Variants in COL8A1 observed in about 807,000 individuals in gnomAD.
COL8A1 encodes collagen alpha-1(VIII) chain.
Under a neutral mutation model 42.7 loss-of-function variants are expected in COL8A1, and 21 were observed. The observed-to-expected ratio is 0.49, with a 90% CI of 0.35 to 0.71. The LOEUF is 0.71. Among genes scored for constraint, COL8A1 ranks in the 30% least tolerant of loss-of-function variants. The pLI, the probability that COL8A1 is intolerant of heterozygous loss-of-function variation, is 0.01. For missense variants in COL8A1, 788 were observed against 962.4 expected (o/e 0.82, Z 2.40); for synonymous variants, 367 against 369.1 (o/e 0.99, Z 0.06).
At chr3:99,708,028 T>C (rs936511729) in intron 1 of COL8A1, among the ~76,000 whole-genome samples, 1 of 152,182 alleles carries the variant, frequency 6.6e-6, no homozygotes, top group East Asian at 1.9e-4. Context: ...GCTCCCCTCT[T>C]AGCTGTGAAC....
intron 1 of COL8A1, among the ~76,000 whole-genome samples, chr3:99,647,203 C>T (rs548063459): frequency 6.6e-6 from 1 of 152,168 alleles, no homozygotes; most frequent in Non-Finnish European, 1.5e-5. Flanking sequence ...TCTACCCTGC[C>T]TGAGCGCATC....
At chr3:99,770,390 T>C (rs1463543948) in intron 2 of COL8A1, among the ~76,000 whole-genome samples, 1 of 152,184 alleles carries the variant, frequency 6.6e-6, no homozygotes, top group East Asian at 1.9e-4. Flanking sequence ...GGGTAGTGTG[T>C]CCTTCACGAT....
In COL8A1 at chr3:99,676,800, T is replaced by G. The variant is rs571222189; in HGVS notation, c.-129+38136T>G. Among the ~76,000 whole-genome samples, 97 of 152,238 alleles carry G rather than the reference T, an allele frequency of 6.4e-4. 1 individual carries two copies. Among genetic ancestry groups the G allele is most frequent in the African/African-American group, 1.9e-3 (77 of 41,572 alleles). The stretch of plus-strand genomic sequence containing the variant: ...ATTATTTATTGTTAGAATTAATAAC[T>G]GCATTTATCTAGCCCATTGGATATA... On this transcript the variant is annotated intron_variant, in intron 1 of 3. Coordinates refer to ENST00000652472, the MANE Select transcript of COL8A1 (RefSeq NM_020351.4).
intron 2 of COL8A1, among the ~76,000 whole-genome samples, chr3:99,748,164 G>C (rs1348128918): frequency 6.6e-6 from 1 of 152,188 alleles, no homozygotes; most frequent in Non-Finnish European, 1.5e-5. Context: ...TTCAAGTCAG[G>C]AACAGTCATA....
chr3:99,740,217 T>G (rs1472777925), intron 1 of COL8A1, among the ~76,000 whole-genome samples: 3 of 152,186 alleles, frequency 2.0e-5, no homozygotes, highest in Non-Finnish European at 4.4e-5. Context: ...CTTTCCCACA[T>G]TTTCCTGTCT....
At chr3:99,732,442 A>G (rs775106240) in intron 1 of COL8A1, among the ~76,000 whole-genome samples, 6 of 152,248 alleles carry the variant, frequency 3.9e-5, no homozygotes, top group South Asian at 4.1e-4. Flanking sequence ...AAGCAAACAC[A>G]TCCTTCTTCA....
At chr3:99,683,731 A>C (rs947485281) in intron 1 of COL8A1, among the ~76,000 whole-genome samples, 10 of 152,096 alleles carry the variant, frequency 6.6e-5, no homozygotes, top group African/African-American at 2.4e-4. Flanking sequence ...TCTCAATCAA[A>C]TGATTCTTTC....
intron 1 of COL8A1, among the ~76,000 whole-genome samples, chr3:99,666,251 A>T (rs895085559): frequency 6.6e-6 from 1 of 152,236 alleles, no homozygotes; most frequent in Non-Finnish European, 1.5e-5. Flanking sequence ...TTTAAAAATT[A>T]AATCCATACT....
At chr3:99,728,928 T>G (rs62283470) in intron 1 of COL8A1, among the ~76,000 whole-genome samples, 11,746 of 152,034 alleles carry the variant, frequency 0.077, 569 homozygotes, top group Middle Eastern at 0.11. Context: ...GCCTGTCTTT[T>G]CCTGACCTCT....
chr3:99,710,939 T>C (rs1438599800), intron 1 of COL8A1, among the ~76,000 whole-genome samples: 1 of 152,176 alleles, frequency 6.6e-6, no homozygotes, highest in Non-Finnish European at 1.5e-5. Flanking sequence ...ATTTTCTTGA[T>C]GGAAGTTCTG....
intron 1 of COL8A1, among the ~76,000 whole-genome samples, chr3:99,705,093 C>T (rs978833838): frequency 1.3e-5 from 2 of 152,194 alleles, no homozygotes; most frequent in African/African-American, 4.8e-5. Context: ...ACTTTCTCTA[C>T]ACCTTTTTTT....
At chr3:99,671,011 T>A (rs1938526575) in intron 1 of COL8A1, among the ~76,000 whole-genome samples, 1 of 151,676 alleles carries the variant, frequency 6.6e-6, no homozygotes, top group African/African-American at 2.4e-5. Context: ...TAGAGATGTG[T>A]GTGTTGGGGG....
chr3:99,664,729 G>A (rs1938311722), intron 1 of COL8A1, among the ~76,000 whole-genome samples: 1 of 152,172 alleles, frequency 6.6e-6, no homozygotes. Flanking sequence ...TTTAAAAATT[G>A]TATTCAACCT....
chr3:99,643,619 ATTGAGT>A (rs1484480978), intron 1 of COL8A1, among the ~76,000 whole-genome samples: 1 of 152,232 alleles, frequency 6.6e-6, no homozygotes. Context: ...TCTCAAATGT[ATTGAGT>A]TTAAGATTCT....
At chr3:99,727,149 C>G (rs1211915850) in intron 1 of COL8A1, among the ~76,000 whole-genome samples, 1 of 151,996 alleles carries the variant, frequency 6.6e-6, no homozygotes, top group Non-Finnish European at 1.5e-5. Flanking sequence ...AGTTGAATTC[C>G]TAGGTATTTT....
chr3:99,685,145 C>T (rs1171672746), intron 1 of COL8A1, among the ~76,000 whole-genome samples: 1 of 152,098 alleles, frequency 6.6e-6, no homozygotes, highest in African/African-American at 2.4e-5. Context: ...AATGAAAGCT[C>T]AGACTCTAAG....
At chr3:99,773,463 C>T (rs995684861) in intron 2 of COL8A1, among the ~76,000 whole-genome samples, 10 of 152,116 alleles carry the variant, frequency 6.6e-5, no homozygotes, top group African/African-American at 2.2e-4. Flanking sequence ...ATGAGTAGGA[C>T]AAGATAAAAT....
chr3:99,737,659 AT>A (rs1218948420), intron 1 of COL8A1, among the ~76,000 whole-genome samples: 1 of 151,306 alleles, frequency 6.6e-6, no homozygotes, highest in Non-Finnish European at 1.5e-5. Context: ...TGCCCTTAAC[AT>A]TTTTTCCTTC....
At chr3:99,689,892 C>A (rs561388437) in intron 1 of COL8A1, among the ~76,000 whole-genome samples, 3 of 152,300 alleles carry the variant, frequency 2.0e-5, no homozygotes, top group Non-Finnish European at 2.9e-5. Flanking sequence ...TGGAGAAATG[C>A]TGAAAGCGGT....
Sources: allele counts gnomAD v4.1 joint callset (sites outside exome capture counted in the v4.1 genomes callset), GRCh38; gene constraint gnomAD v4.1.1; transcripts MANE v1.5; gene names NCBI Gene and HGNC (gene_info 2026-07-23, HGNC 2026-07-21).